TMEM132C: variants seen among roughly 807,000 people sequenced by gnomAD.
TMEM132C encodes the protein transmembrane protein 132C, also known as protein phosphatase 1, regulatory subunit 152.
TMEM132C carries 29 observed loss-of-function variants against 61.4 expected under a neutral mutation model. The ratio of observed to expected loss-of-function variants is 0.47; its 90% CI spans 0.35 to 0.64. The LOEUF is 0.64. Among genes scored for constraint, TMEM132C ranks in the 30% least tolerant of loss-of-function variants. TMEM132C has a pLI of 0.00. For synonymous variants in TMEM132C, 656 were observed against 633.1 expected (o/e 1.04, Z -0.54); for missense variants, 1,408 against 1,476.9 (o/e 0.95, Z 0.76).
At chr12:128,642,352 G>A (rs192668861) in intron 4 of TMEM132C, among the ~76,000 whole-genome samples, 38 of 152,130 alleles carry the variant, frequency 2.5e-4, no homozygotes, top group Non-Finnish European at 5.0e-4. Flanking sequence ...GGCTGGTCTC[G>A]AACTCCTGAG....
chr12:128,397,725 G>A (rs1875012627), intron 1 of TMEM132C, among the ~76,000 whole-genome samples: 2 of 152,016 alleles, frequency 1.3e-5, no homozygotes, highest in African/African-American at 4.8e-5. Context: ...GAGTCCTCCT[G>A]CTTCTCTCCT....
chr12:128,330,049 T>C (rs1241092445), intron 1 of TMEM132C, among the ~76,000 whole-genome samples: 3 of 152,216 alleles, frequency 2.0e-5, no homozygotes, highest in Non-Finnish European at 4.4e-5. Flanking sequence ...ATTCTGGTTA[T>C]GTCTGCACAA....
rs1366083003 is a variant in TMEM132C, at chr12:128,686,110, G to GTGTGTGTGCATGTATGTGTGCA, written c.1450-7707_1450-7686dup. ...GTGTTGTGTGCGCATGTGTGTGCAT[G>GTGTGTGTGCATGTATGTGTGCA]TGTGTGTGCATGTATGTGTGCATGT... On this transcript the variant is annotated intron_variant, in intron 5 of 8. Transcript: ENST00000435159. 7.6e-5 allele frequency among the ~76,000 whole-genome samples: 8 copies of GTGTGTGTGCATGTATGTGTGCA among 105,546 alleles called. No individual in the cohort carries two copies. In the East Asian group the frequency reaches 2.2e-3, roughly 29 times the overall value. The allele number at this position is 105,546 out of a possible 152,430, so 69.2% of individuals were successfully genotyped here.
intron 1 of TMEM132C, among the ~76,000 whole-genome samples, chr12:128,382,666 T>G (rs1391573909): frequency 1.3e-5 from 2 of 152,200 alleles, no homozygotes; most frequent in Non-Finnish European, 2.9e-5. Flanking sequence ...AATGTCACCA[T>G]TCTTGTTTCT....
chr12:128,626,548 G>A (rs959706236), intron 4 of TMEM132C, among the ~76,000 whole-genome samples: 6 of 149,960 alleles, frequency 4.0e-5, no homozygotes, highest in South Asian at 2.1e-4. Context: ...GGGTTCAAGC[G>A]ATTCTCGTGC....
intron 1 of TMEM132C, chr12:128,404,953 C>T (rs1875289129): frequency 7.8e-6 from 1 of 128,058 alleles, no homozygotes; most frequent in Non-Finnish European, 1.8e-5. Flanking sequence ...AATGGATAAA[C>T]AGGAAGGGAG....
At chr12:128,693,537 T>G (rs1954734816) in intron 5 of TMEM132C, among the ~76,000 whole-genome samples, 1 of 152,188 alleles carries the variant, frequency 6.6e-6, no homozygotes, top group South Asian at 2.1e-4. Context: ...TTCTAGATAC[T>G]TTTCATGAAG....
At chr12:128,408,318 A>G (rs1324728200) in intron 1 of TMEM132C, among the ~76,000 whole-genome samples, 1 of 152,220 alleles carries the variant, frequency 6.6e-6, no homozygotes, top group East Asian at 1.9e-4. Flanking sequence ...GAGAAAAGGA[A>G]TCTTTATGTC....
chr12:128,456,267 A>T (rs1435390348), intron 2 of TMEM132C, among the ~76,000 whole-genome samples: 1 of 146,322 alleles, frequency 6.8e-6, no homozygotes, highest in Non-Finnish European at 1.5e-5. Context: ...TGTTTGCGTG[A>T]TTTGCGTGGA....
chr12:128,396,250 A>G lies in TMEM132C; in HGVS notation c.86-18482A>G, dbSNP rs181646972. Among the ~76,000 whole-genome samples the G allele has an allele frequency of 3.2e-3, 486 of 152,300 alleles. 1 individual carries two copies. Among genetic ancestry groups the G allele is most frequent in the African/African-American group, 0.011 (459 of 41,540 alleles). ...AATAACACTTCTTGGAGATCTTTCT[A>G]TGCCAGTACATGTAGTTCTCCTTTC... On this transcript the variant is annotated intron_variant, in intron 1 of 8. Coordinates refer to ENST00000435159, the MANE Select transcript of TMEM132C (RefSeq NM_001136103.3).
intron 4 of TMEM132C, among the ~76,000 whole-genome samples, chr12:128,631,534 C>G (rs1289132039): frequency 2.6e-5 from 4 of 152,174 alleles, no homozygotes; most frequent in Non-Finnish European, 5.9e-5. Flanking sequence ...GTATGTTAAA[C>G]TCTAAAAATT....
At chr12:128,699,558 C>A (rs1954789121) in intron 8 of TMEM132C, among the ~76,000 whole-genome samples, 1 of 152,196 alleles carries the variant, frequency 6.6e-6, no homozygotes, top group Admixed American at 6.5e-5. Context: ...ACACTAGGAA[C>A]AATGCATGGA....
intron 3 of TMEM132C, among the ~76,000 whole-genome samples, chr12:128,582,073 C>T (rs1294100209): frequency 2.0e-5 from 3 of 152,116 alleles, no homozygotes; most frequent in East Asian, 1.9e-4. Context: ...ATGGACTTCT[C>T]GAGGAGACCA....
Position 128,497,974 on chromosome 12 carries a change from C to G in TMEM132C, c.975-45983C>G, listed in dbSNP as rs1872027999. Among the ~76,000 whole-genome samples the G allele has an allele frequency of 1.3e-5, 2 of 152,136 alleles. 1 individual carries two copies. The highest frequency in any genetic ancestry group is 1.3e-4 in the Admixed American group (2 of 15,272). ...CTATTCGGCCATCTTGGAACCACCC[C>G]CAGTCTGTACCAGTTCTTTATGAGA... is the stretch of plus-strand genomic sequence containing the variant. On this transcript the variant is annotated intron_variant, in intron 2 of 8. Transcript: ENST00000435159.
chr12:128,705,803 C>A lies in TMEM132C; in HGVS notation c.2835C>A (p.Cys945Ter). The change falls in exon 9 of 9, where the codon TGC becomes TGA. Residue 945 changes from cysteine to a stop codon, truncating the protein, a stop_gained. Coordinates refer to ENST00000435159, the MANE Select transcript of TMEM132C (RefSeq NM_001136103.3). LOFTEE classifies it low-confidence loss of function (END_TRUNC). Reference sequence around the variant, plus strand: ...CCATCCTCGTCTTCCTGATCAACTGCGCCACCTTTGCCCTGAAGTACAGGC... The same window carrying A: ...CCATCCTCGTCTTCCTGATCAACTGAGCCACCTTTGCCCTGAAGTACAGGC... ...CLAILVFLIN[C>*]ATFALKYRHK... is the part of the protein sequence containing the mutation. 1 of 1,551,636 alleles carries A rather than the reference C, an allele frequency of 6.4e-7. No homozygotes were observed. The highest frequency in any genetic ancestry group is 8.7e-7 in the Non-Finnish European group (1 of 1,147,054).
intron 1 of TMEM132C, among the ~76,000 whole-genome samples, chr12:128,290,150 T>C (rs772936910): frequency 6.6e-6 from 1 of 152,176 alleles, no homozygotes; most frequent in Non-Finnish European, 1.5e-5. Context: ...GGGCGTGTGA[T>C]GCTGGGACAC....
chr12:128,652,431 AAGGGTCAGCGATG>A (rs1264188786), intron 4 of TMEM132C, among the ~76,000 whole-genome samples: 11 of 152,208 alleles, frequency 7.2e-5, no homozygotes, highest in African/African-American at 2.7e-4. Flanking sequence ...TGTGCTAATA[AAGGGTCAGCGATG>A]AGGGTCACTC....
chr12:128,684,972 C>T (rs372560898), intron 5 of TMEM132C, among the ~76,000 whole-genome samples: 26 of 152,184 alleles, frequency 1.7e-4, no homozygotes, highest in Admixed American at 3.3e-4. Flanking sequence ...GTACCGGCAA[C>T]GAGAGGAAAG....
chr12:128,372,806 T>C (rs950004576), intron 1 of TMEM132C, among the ~76,000 whole-genome samples: 3 of 152,000 alleles, frequency 2.0e-5, no homozygotes, highest in Non-Finnish European at 4.4e-5. Context: ...CTAGGCTTTA[T>C]CGTAACCAGA....
Sources: allele counts gnomAD v4.1 joint callset (sites outside exome capture counted in the v4.1 genomes callset), GRCh38; gene constraint gnomAD v4.1.1; transcripts MANE v1.5; gene names NCBI Gene and HGNC (gene_info 2026-07-23, HGNC 2026-07-21).